FOXP2: variants seen among roughly 807,000 people sequenced by gnomAD.
FOXP2 encodes the protein forkhead box P2.
Under a neutral mutation model 115.8 loss-of-function variants are expected in FOXP2, and 12 were observed. The observed-to-expected ratio is 0.10, with a 90% CI of 0.07 to 0.17. The LOEUF (loss-of-function observed/expected upper bound fraction) is 0.17, where lower values mean the gene tolerates loss of function less well. Among genes scored for constraint, FOXP2 ranks in the 10% least tolerant of loss-of-function variants. The pLI is 1.00. For synonymous variants in FOXP2, 328 were observed against 297.7 expected, an observed-to-expected ratio of 1.10 and a Z score of -1.05; for missense variants, 629 against 843.5, an observed-to-expected ratio of 0.75 and a Z score of 3.15.
intron 2 of FOXP2, among the ~76,000 whole-genome samples, chr7:114,329,115 T>C (rs1726855501): frequency 6.6e-6 from 1 of 152,198 alleles, no homozygotes; most frequent in African/African-American, 2.4e-5. Flanking sequence ...GGATCGAGTA[T>C]TGATTGAATG....
intron 3 of FOXP2, among the ~76,000 whole-genome samples, chr7:114,566,128 A>G (rs754764939): frequency 2.0e-5 from 3 of 152,180 alleles, no homozygotes; most frequent in Non-Finnish European, 4.4e-5. Context: ...CCATCAAATC[A>G]GCAAACACAA....
intron 2 of FOXP2, among the ~76,000 whole-genome samples, chr7:114,501,661 T>C (rs1380109636): frequency 6.6e-6 from 1 of 152,100 alleles, no homozygotes; most frequent in Non-Finnish European, 1.5e-5. Context: ...AGAAAGAAAA[T>C]ATATCCAGTT....
chr7:114,164,385 A>T (rs1356495628), intron 1 of FOXP2, among the ~76,000 whole-genome samples: 1 of 149,296 alleles, frequency 6.7e-6, no homozygotes, highest in Non-Finnish European at 1.5e-5. Context: ...TCACTCTGTC[A>T]CCAGGCTGGA....
chr7:114,653,788 A>G (rs1806419076), intron 9 of FOXP2, 138 bp from the exon 10 acceptor site: 3 of 926,150 alleles, frequency 3.2e-6, no homozygotes, highest in South Asian at 2.7e-5. Context: ...TTCCTCCCAG[A>G]TAAGTTCCTC....
intron 3 of FOXP2, among the ~76,000 whole-genome samples, chr7:114,584,439 A>AT (rs1802027249): frequency 6.6e-6 from 1 of 152,138 alleles, no homozygotes; most frequent in African/African-American, 2.4e-5. Context: ...AAACTTGACA[A>AT]TTTTTTAACA....
intron 3 of FOXP2, among the ~76,000 whole-genome samples, chr7:114,600,958 C>CTT (rs202150462): frequency 7.1e-6 from 1 of 139,906 alleles, no homozygotes; most frequent in Non-Finnish European, 1.6e-5. Context: ...TTGTCAGTAT[C>CTT]TTTTTTTTTT....
At chr7:114,086,660 C>T, upstream of FOXP2, 1 of 332,284 alleles carries the variant, frequency 3.0e-6, no homozygotes, top group South Asian at 2.1e-5. Context: ...CGCACCCCAC[C>T]CTGTCCCAGC....
chr7:114,332,021 C>T (rs559378972), intron 2 of FOXP2, among the ~76,000 whole-genome samples: 1 of 152,020 alleles, frequency 6.6e-6, no homozygotes, highest in Non-Finnish European at 1.5e-5. Flanking sequence ...AAAAAGCATA[C>T]CCACTTACTA....
At chr7:114,173,529 CCTTTT>C (rs1439988863) in intron 1 of FOXP2, among the ~76,000 whole-genome samples, 1 of 151,694 alleles carries the variant, frequency 6.6e-6, no homozygotes, top group Non-Finnish European at 1.5e-5. Context: ...AAAAAATCTC[CCTTTT>C]CTTCAGGCTC....
chr7:114,413,512 G>A (rs1793219125), upstream of FOXP2, among the ~76,000 whole-genome samples: 1 of 151,960 alleles, frequency 6.6e-6, no homozygotes, highest in African/African-American at 2.4e-5. Flanking sequence ...TTTAATGAGT[G>A]AATTATTTAA....
At chr7:114,656,014 A>G (rs142182715) in intron 10 of FOXP2, among the ~76,000 whole-genome samples, 34 of 152,300 alleles carry the variant, frequency 2.2e-4, no homozygotes, top group African/African-American at 7.2e-4. Flanking sequence ...CCCTTTAGTT[A>G]ATAATAAATT....
intron 3 of FOXP2, among the ~76,000 whole-genome samples, chr7:114,557,887 G>T (rs1445700538): frequency 2.0e-5 from 3 of 151,916 alleles, no homozygotes; most frequent in African/African-American, 7.3e-5. Context: ...TCAGCTCACT[G>T]TAACCTCTGC....
chr7:114,476,775 T>C (rs1430028980), intron 2 of FOXP2, among the ~76,000 whole-genome samples: 1 of 152,090 alleles, frequency 6.6e-6, no homozygotes, highest in African/African-American at 2.4e-5. Context: ...CCCATTTGTT[T>C]GTGTCATCTC....
intron 1 of FOXP2, among the ~76,000 whole-genome samples, chr7:114,105,144 T>C (rs1027263207): frequency 6.6e-6 from 1 of 152,034 alleles, no homozygotes; most frequent in African/African-American, 2.4e-5. Flanking sequence ...GATGAGATAG[T>C]CGTGGGTTTG....
At chr7:114,653,812 T>G in intron 9 of FOXP2, 114 bp from the exon 10 acceptor site, 1 of 1,190,648 alleles carries the variant, frequency 8.4e-7, no homozygotes, top group South Asian at 1.2e-5. Context: ...ACGCAGACTT[T>G]TACATGCAGG....
At chr7:114,536,397 C>CTTTTTTTTTTTTTTTTTT (rs3997242) in intron 3 of FOXP2, among the ~76,000 whole-genome samples, 2 of 112,348 alleles carry the variant, frequency 1.8e-5, no homozygotes, top group Non-Finnish European at 1.8e-5. Context: ...TTTTTCTTTT[C>CTTTTTTTTTTTTTTTTTT]TTTTTTTTTT....
At position 114,644,799 on chromosome 7, in the gene FOXP2, T is replaced by C; in HGVS notation, c.1094+10T>C. 1.9e-6 allele frequency: 3 copies of C among 1,610,392 alleles called. No individual in the cohort carries two copies. Among genetic ancestry groups the C allele is most frequent in the Non-Finnish European group, 2.5e-6 (3 of 1,177,228 alleles). On this transcript the variant is annotated intron_variant, in intron 8 of 16. Transcript: ENST00000350908. The stretch of plus-strand genomic sequence containing the variant: ...TTGGACAGTTTTTAAAGTAGGTTTT[T>C]TACTTTTTTTTGGTGGGGGGCGGGG...
At chr7:114,264,312 G>A (rs1379394978) in intron 1 of FOXP2, among the ~76,000 whole-genome samples, 3 of 151,996 alleles carry the variant, frequency 2.0e-5, no homozygotes, top group Non-Finnish European at 2.9e-5. Flanking sequence ...AAAAATAGAA[G>A]TTTTTTCATG....
intron 3 of FOXP2, among the ~76,000 whole-genome samples, chr7:114,536,944 A>C (rs1188890805): frequency 6.6e-6 from 1 of 151,554 alleles, no homozygotes; most frequent in Non-Finnish European, 1.5e-5. Flanking sequence ...AACTGGAGAC[A>C]CGCTGGGATT....
Sources: allele counts gnomAD v4.1 joint callset (sites outside exome capture counted in the v4.1 genomes callset), GRCh38; gene constraint gnomAD v4.1.1; transcripts MANE v1.5; gene names NCBI Gene and HGNC (gene_info 2026-07-23, HGNC 2026-07-21).